PTPN14: variants seen among roughly 807,000 people sequenced by gnomAD.
PTPN14 encodes protein tyrosine phosphatase non-receptor type 14.
In PTPN14, 53 loss-of-function variants were observed where a neutral mutation model predicts 126.8. The ratio of observed to expected loss-of-function variants is 0.42; its 90% confidence interval spans 0.34 to 0.53. PTPN14 has a LOEUF of 0.53. Ranked by LOEUF, PTPN14 falls within the 20% of genes least tolerant of loss-of-function variation. PTPN14 has a pLI of 0.08. For synonymous variants in PTPN14, 630 were observed against 599.3 expected, an observed-to-expected ratio of 1.05 and a Z score of -0.75; for missense variants, 1,257 against 1,552.9, an observed-to-expected ratio of 0.81 and a Z score of 3.20.
chr1:214,414,521 T>C (rs1164003262), intron 4 of PTPN14, 108 bp downstream of exon 4: 1 of 994,794 alleles, frequency 1.0e-6, no homozygotes, highest in Non-Finnish European at 1.5e-6. Context: ...AAAGGGAGCA[T>C]TACTAAGGGA....
At chr1:214,489,962 G>C (rs1201898669) in intron 1 of PTPN14, among the ~76,000 whole-genome samples, 1 of 152,198 alleles carries the variant, frequency 6.6e-6, no homozygotes, top group African/African-American at 2.4e-5. Flanking sequence ...TGAGAGTTTA[G>C]ATTTTGCAGC....
chr1:214,383,490 T>G lies in PTPN14; in HGVS notation c.2365A>C (p.Ile789Leu). ...GGCGGGTCAGTCCGAGACATGCTGATGGCCTTGGCTGGCCCATGCCTCAGC... is the reference window on the plus strand; with the variant it reads ...GGCGGGTCAGTCCGAGACATGCTGAGGGCCTTGGCTGGCCCATGCCTCAGC... Reference protein sequence around the residue: ...RVLRHGPAKAISMSRTDPPAV... With the variant: ...RVLRHGPAKALSMSRTDPPAV... The change falls in exon 13 of 19, where the codon ATC becomes CTC. Residue 789 changes from isoleucine to leucine, a missense_variant. Around this residue, in one of 3 missense-constraint regions of PTPN14, gnomAD observed 1,021 missense variants for 1,183.3 expected, o/e 0.86. Transcript: ENST00000366956. This position sits in a 1 kb window ranked among gnomAD's most constrained non-coding sequence, Gnocchi z 4.4. 2 of 1,614,208 alleles carry G rather than the reference T, an allele frequency of 1.2e-6. No individual in the cohort carries two copies. The highest frequency in any genetic ancestry group is 1.7e-6 in the Non-Finnish European group (2 of 1,180,044).
rs571906503 is a variant in PTPN14 at position 214,403,395 on chromosome 1, C to T, written c.511-442G>A. On this transcript the variant is annotated intron_variant, in intron 5 of 18. Transcript: ENST00000366956. Reference sequence around the variant, plus strand: ...CCAGGCCTTTCTGTATACCAGGAAACGAATTCAAAACCACTGAAGGCAGAG... The same window carrying T: ...CCAGGCCTTTCTGTATACCAGGAAATGAATTCAAAACCACTGAAGGCAGAG... Among the ~76,000 whole-genome samples the T allele has an allele frequency of 1.4e-4, 22 of 152,248 alleles. No individual in the cohort carries two copies. In the East Asian group the frequency reaches 1.9e-3, roughly 13 times the overall value.
At chr1:214,386,750 A>G (rs1658624187) in intron 12 of PTPN14, 94 bp downstream of exon 12, 2 of 1,251,776 alleles carry the variant, frequency 1.6e-6, no homozygotes, top group East Asian at 2.6e-5. Flanking sequence ...TTGAAAAGAA[A>G]GCATCCCTGT....
chr1:214,449,659 C>T (rs1026443189), intron 3 of PTPN14, among the ~76,000 whole-genome samples: 1 of 152,058 alleles, frequency 6.6e-6, no homozygotes, highest in Non-Finnish European at 1.5e-5. Context: ...ATTTTTTGTA[C>T]AGGAAGAACT....
At chr1:214,428,198 A>G (rs994079422) in intron 3 of PTPN14, among the ~76,000 whole-genome samples, 1 of 152,208 alleles carries the variant, frequency 6.6e-6, no homozygotes, top group Non-Finnish European at 1.5e-5. Context: ...GTTACAGTGG[A>G]CGCAGAAGGA....
intron 1 of PTPN14, among the ~76,000 whole-genome samples, chr1:214,498,111 A>T (rs1654581306): frequency 6.6e-6 from 1 of 152,220 alleles, no homozygotes; most frequent in Non-Finnish European, 1.5e-5. Flanking sequence ...ATATTATAAC[A>T]AAGTACTGGG....
chr1:214,508,738 A>T (rs986139634), intron 1 of PTPN14, among the ~76,000 whole-genome samples: 1 of 152,172 alleles, frequency 6.6e-6, no homozygotes, highest in Non-Finnish European at 1.5e-5. Flanking sequence ...CTATAGCCTT[A>T]AAAAATGTAG....
At chr1:214,541,925 TA>T (rs1331459620) in intron 1 of PTPN14, among the ~76,000 whole-genome samples, 1 of 152,214 alleles carries the variant, frequency 6.6e-6, no homozygotes, top group Non-Finnish European at 1.5e-5. Flanking sequence ...GTGTGTACTT[TA>T]ATCATAAGCA....
chr1:214,480,963 G>A (rs527788908), intron 1 of PTPN14, among the ~76,000 whole-genome samples: 3 of 152,088 alleles, frequency 2.0e-5, no homozygotes, highest in Admixed American at 2.0e-4. Context: ...AGGCAAGGGC[G>A]AGAAAGAAAC....
intron 11 of PTPN14, among the ~76,000 whole-genome samples, chr1:214,387,585 G>A (rs978199387): frequency 8.6e-5 from 13 of 151,610 alleles, no homozygotes; most frequent in South Asian, 8.3e-4. Context: ...AGGCTGAGGC[G>A]TGAGAGTCGT....
chr1:214,439,090 GTGTT>G (rs1185332529), intron 3 of PTPN14, among the ~76,000 whole-genome samples: 1 of 151,676 alleles, frequency 6.6e-6, no homozygotes, highest in East Asian at 1.9e-4. Context: ...CTCCTTTGTA[GTGTT>G]TTTTTTATTG....
At chr1:214,510,672 T>A (rs898987764) in intron 1 of PTPN14, among the ~76,000 whole-genome samples, 1 of 152,166 alleles carries the variant, frequency 6.6e-6, no homozygotes, top group African/African-American at 2.4e-5. Context: ...TCAGCTTCCA[T>A]AGAGAAGTGC....
At chr1:214,510,229 C>G (rs1339968850) in intron 1 of PTPN14, among the ~76,000 whole-genome samples, 1 of 152,142 alleles carries the variant, frequency 6.6e-6, no homozygotes, top group Admixed American at 6.5e-5. Flanking sequence ...CAGTTTGTGA[C>G]ACCCCAAAAC....
At chr1:214,545,076 A>G (rs1655936947) in intron 1 of PTPN14, among the ~76,000 whole-genome samples, 1 of 152,164 alleles carries the variant, frequency 6.6e-6, no homozygotes, top group Non-Finnish European at 1.5e-5. Context: ...ATAGAGAGAA[A>G]GAGCAGCAGA....
chr1:214,364,673 A>C lies in PTPN14; in HGVS notation c.3274T>G (p.Tyr1092Asp). The part of the protein sequence containing the change: ...CPEDVQGFLS[Y>D]LEEIQSVRRH... Reference sequence around the variant, plus strand: ...CGGACCGACTGGATCTCCTCCAAGTAGGCTGCAGGACAAAATGCAAATTCT... The same window carrying C: ...CGGACCGACTGGATCTCCTCCAAGTCGGCTGCAGGACAAAATGCAAATTCT... Residue 1092 changes from tyrosine to aspartate, a missense_variant and splice_region_variant, in exon 18 of 19, where the codon TAC (tyrosine) becomes GAC (aspartate). This residue lies in a region of PTPN14 where 171 missense variants were observed against 229.8 expected (regional missense o/e 0.74). Coordinates refer to ENST00000366956, the MANE Select transcript of PTPN14 (RefSeq NM_005401.5). This position sits in a 1 kb window ranked among gnomAD's most constrained non-coding sequence, Gnocchi z 4.1. The C allele has an allele frequency of 6.2e-7, 1 of 1,610,984 alleles. No homozygotes were observed. The highest frequency in any genetic ancestry group is 1.1e-5 in the South Asian group (1 of 90,606).
At chr1:214,394,811 T>C in intron 9 of PTPN14, 88 bp downstream of exon 9, 1 of 1,136,994 alleles carries the variant, frequency 8.8e-7, no homozygotes, top group Non-Finnish European at 1.3e-6. Context: ...TATCTCAAGA[T>C]AGGGAGAGCA....
At chr1:214,387,050 C>A (rs1384370211) in intron 11 of PTPN14, 128 bp from the exon 12 acceptor site, 6 of 775,918 alleles carry the variant, frequency 7.7e-6, no homozygotes, top group Non-Finnish European at 1.3e-5. Flanking sequence ...GCTGTCCCTG[C>A]CACCCCTTTG....
Position 214,505,503 on chromosome 1 carries a change from T to C in PTPN14, c.-154-40546A>G, listed in dbSNP as rs147902724. 6.7e-3 allele frequency among the ~76,000 whole-genome samples: 1,027 copies of C among 152,228 alleles called. 5 individuals carry two copies. Among genetic ancestry groups the C allele is most frequent in the Non-Finnish European group, 0.011 (736 of 67,990 alleles). On this transcript the variant is annotated intron_variant, in intron 1 of 18. Coordinates refer to ENST00000366956, the MANE Select transcript of PTPN14 (RefSeq NM_005401.5). ...ACAGTGGTGGAGCTGCCAGCTGCGA[T>C]GTAAGGAGCTGAGGACGGAATGGGA...
Sources: allele counts gnomAD v4.1 joint callset (sites outside exome capture counted in the v4.1 genomes callset), GRCh38; gene constraint gnomAD v4.1.1; regional missense constraint gnomAD v4.1.1; non-coding constraint Gnocchi (gnomAD v3.1); transcripts MANE v1.5; gene names NCBI Gene and HGNC (gene_info 2026-07-23, HGNC 2026-07-21).